The following FOXP2 variants were observed in gnomAD, a reference collection of about 807,000 sequenced individuals.
The protein encoded by FOXP2 is forkhead box P2, also known as forkhead box protein P2.
Under a neutral mutation model 115.8 loss-of-function variants are expected in FOXP2, and 12 were observed. That is an observed-to-expected ratio of 0.10 (90% CI 0.07 to 0.17). The LOEUF (loss-of-function observed/expected upper bound fraction) is 0.17, where lower values mean the gene tolerates loss of function less well. Among genes scored for constraint, FOXP2 ranks in the 10% least tolerant of loss-of-function variants. The pLI is 1.00. For synonymous variants in FOXP2, 328 were observed against 297.7 expected (o/e 1.10, Z -1.05); for missense variants, 629 against 843.5 (o/e 0.75, Z 3.15).
At chr7:114,384,939 T>C (rs1792405405) in intron 2 of FOXP2, among the ~76,000 whole-genome samples, 1 of 151,976 alleles carries the variant, frequency 6.6e-6, no homozygotes, top group Non-Finnish European at 1.5e-5. Flanking sequence ...CAATTATAGG[T>C]TTTAAATTTA....
chr7:114,255,989 C>G (rs1401232972), intron 1 of FOXP2, among the ~76,000 whole-genome samples: 1 of 152,214 alleles, frequency 6.6e-6, no homozygotes, highest in Non-Finnish European at 1.5e-5. Context: ...AATGGTTGAA[C>G]TAATTTACAT....
chr7:114,198,942 C>G (rs897688166), intron 1 of FOXP2, among the ~76,000 whole-genome samples: 1 of 152,180 alleles, frequency 6.6e-6, no homozygotes, highest in Admixed American at 6.5e-5. Context: ...TTTTCGGGTC[C>G]TCTTTTTACT....
At chr7:114,658,880 C>T (rs1806726011) in intron 11 of FOXP2, among the ~76,000 whole-genome samples, 1 of 152,150 alleles carries the variant, frequency 6.6e-6, no homozygotes, top group African/African-American at 2.4e-5. Context: ...CACATTGTAA[C>T]CATTATTAGC....
chr7:114,666,085 C>T (rs918394814), intron 16 of FOXP2: 3 of 151,876 alleles, frequency 2.0e-5, no homozygotes, highest in African/African-American at 7.3e-5. Flanking sequence ...AAAAATTATA[C>T]ATATAATGTC....
At chr7:114,586,509 GA>G (rs1162158115) in intron 3 of FOXP2, among the ~76,000 whole-genome samples, 6 of 151,868 alleles carry the variant, frequency 4.0e-5, no homozygotes, top group Admixed American at 6.6e-5. Flanking sequence ...TTTATGCATT[GA>G]ATATGCAAAT....
intron 1 of FOXP2, among the ~76,000 whole-genome samples, chr7:114,224,425 A>G (rs1023112449): frequency 6.6e-6 from 1 of 152,162 alleles, no homozygotes; most frequent in Non-Finnish European, 1.5e-5. Flanking sequence ...AATACTTTCA[A>G]TAATATTTAT....
At chr7:114,518,289 G>A (rs1294142062) in intron 2 of FOXP2, among the ~76,000 whole-genome samples, 2 of 152,068 alleles carry the variant, frequency 1.3e-5, no homozygotes, top group Non-Finnish European at 2.9e-5. Context: ...AGTAAAATGT[G>A]TTTTAATAAT....
chr7:114,649,610 ATACT>A (rs1240381589), intron 8 of FOXP2, among the ~76,000 whole-genome samples: 1 of 152,148 alleles, frequency 6.6e-6, no homozygotes, highest in Admixed American at 6.6e-5. Flanking sequence ...TTTAATGTTA[ATACT>A]TAGCCTATTT....
intron 2 of FOXP2, among the ~76,000 whole-genome samples, chr7:114,380,637 C>A (rs917472776): frequency 6.6e-6 from 1 of 152,168 alleles, no homozygotes; most frequent in South Asian, 2.1e-4. Flanking sequence ...AGTGTGCAGT[C>A]GCAGCACTGG....
chr7:114,243,767 G>T (rs1192917048), intron 1 of FOXP2, among the ~76,000 whole-genome samples: 3 of 152,108 alleles, frequency 2.0e-5, no homozygotes, highest in African/African-American at 7.2e-5. Context: ...GAGAGAGGGA[G>T]AAATTCTCAG....
intron 2 of FOXP2, among the ~76,000 whole-genome samples, chr7:114,515,159 A>G (rs994403885): frequency 1.3e-5 from 2 of 148,524 alleles, no homozygotes; most frequent in African/African-American, 5.0e-5. Context: ...GCTATTGTGA[A>G]TAATGCCGCA....
At chr7:114,491,472 T>C (rs904312700) in intron 2 of FOXP2, among the ~76,000 whole-genome samples, 1 of 151,880 alleles carries the variant, frequency 6.6e-6, no homozygotes, top group African/African-American at 2.4e-5. Context: ...TTCACTCTGA[T>C]GGTAGTTTCT....
At chr7:114,545,455 T>C (rs1253402267) in intron 3 of FOXP2, among the ~76,000 whole-genome samples, 4 of 152,246 alleles carry the variant, frequency 2.6e-5, no homozygotes, top group Non-Finnish European at 5.9e-5. Flanking sequence ...TGATTTCTTA[T>C]GTAAAATCTT....
chr7:114,253,859 C>T (rs763993593), intron 1 of FOXP2, among the ~76,000 whole-genome samples: 14 of 152,258 alleles, frequency 9.2e-5, no homozygotes, highest in African/African-American at 2.9e-4. Flanking sequence ...TTATTTTGCT[C>T]GTTACTTGAT....
At chr7:114,161,797 G>C (rs1267175206), upstream of FOXP2, among the ~76,000 whole-genome samples, 5 of 151,788 alleles carry the variant, frequency 3.3e-5, no homozygotes, top group Non-Finnish European at 7.4e-5. Flanking sequence ...TTTTTTTTGA[G>C]ACAGGGTCTC....
chr7:114,640,307 T>A (rs1805454047), intron 6 of FOXP2, among the ~76,000 whole-genome samples: 1 of 152,168 alleles, frequency 6.6e-6, no homozygotes, highest in Non-Finnish European at 1.5e-5. Flanking sequence ...GCCACTTTCT[T>A]TTTTTATGGA....
At chr7:114,566,195 A>C (rs1256482001) in intron 3 of FOXP2, among the ~76,000 whole-genome samples, 1 of 152,154 alleles carries the variant, frequency 6.6e-6, no homozygotes, top group Admixed American at 6.6e-5. Flanking sequence ...TTATTGTTTT[A>C]AAGTTTGATT....
At chr7:114,537,973 C>A (rs1799478206) in intron 3 of FOXP2, among the ~76,000 whole-genome samples, 1 of 151,554 alleles carries the variant, frequency 6.6e-6, no homozygotes, top group South Asian at 2.1e-4. Flanking sequence ...ATAATAACAG[C>A]CAAAGACAGC....
intron 2 of FOXP2, among the ~76,000 whole-genome samples, chr7:114,434,424 C>T (rs1339859298): frequency 7.4e-5 from 6 of 81,104 alleles, no homozygotes; most frequent in Admixed American, 1.7e-4. Context: ...TCTGACCTCA[C>T]GGTTTAATAT....
Sources: allele counts gnomAD v4.1 joint callset (sites outside exome capture counted in the v4.1 genomes callset), GRCh38; gene constraint gnomAD v4.1.1; transcripts MANE v1.5; gene names NCBI Gene and HGNC (gene_info 2026-07-23, HGNC 2026-07-21).